MLLT10: variants seen among roughly 807,000 people sequenced by gnomAD.
The protein encoded by MLLT10 is MLLT10 histone lysine methyltransferase DOT1L cofactor, also known as protein AF-10.
A neutral mutation model predicts 129.1 loss-of-function variants in MLLT10; 30 were observed. That is an observed-to-expected ratio of 0.23 (90% CI 0.17 to 0.32). MLLT10 has a LOEUF of 0.32. Ranked by LOEUF, MLLT10 falls within the 10% of genes least tolerant of loss-of-function variation. MLLT10 has a pLI of 1.00. For synonymous variants in MLLT10, 490 were observed against 446.4 expected, an observed-to-expected ratio of 1.10 and a Z score of -1.23; for missense variants, 1,119 against 1,268.3, an observed-to-expected ratio of 0.88 and a Z score of 1.79.
At chr10:21,549,221 T>C (rs558416364) in intron 3 of MLLT10, among the ~76,000 whole-genome samples, 2 of 151,864 alleles carry the variant, frequency 1.3e-5, no homozygotes, top group Admixed American at 1.3e-4. Flanking sequence ...CCTCCCGGAT[T>C]CAAGCAGTTC....
intron 3 of MLLT10, among the ~76,000 whole-genome samples, chr10:21,565,210 T>C (rs1462403517): frequency 6.6e-6 from 1 of 152,242 alleles, no homozygotes; most frequent in Admixed American, 6.5e-5. Context: ...CTTTAATTAA[T>C]GTTTGCATCA....
At chr10:21,695,248 AGGCTGGTCTCGAACTC>A (rs1173213835) in intron 13 of MLLT10, among the ~76,000 whole-genome samples, 1 of 152,008 alleles carries the variant, frequency 6.6e-6, no homozygotes, top group Non-Finnish European at 1.5e-5. Flanking sequence ...CCTGTTGGCC[AGGCTGGTCTCGAACTC>A]CTGACCTCAA....
chr10:21,557,192 A>C, intron 3 of MLLT10: 1 of 1,283,090 alleles, frequency 7.8e-7, no homozygotes, highest in Non-Finnish European at 9.9e-7. Context: ...TCAAATGCCT[A>C]CTGTGTTGTT....
intron 3 of MLLT10, chr10:21,556,862 A>G (rs1403572841): frequency 7.1e-6 from 11 of 1,551,294 alleles, no homozygotes; most frequent in Non-Finnish European, 9.6e-6. Context: ...TCTAGTTTCC[A>G]GGGATATTCT....
At chr10:21,600,638 A>G (rs1399001827) in intron 5 of MLLT10, among the ~76,000 whole-genome samples, 1 of 152,180 alleles carries the variant, frequency 6.6e-6, no homozygotes, top group Non-Finnish European at 1.5e-5. Flanking sequence ...TTGACACTTT[A>G]TACTAGTTAC....
intron 13 of MLLT10, among the ~76,000 whole-genome samples, chr10:21,682,458 G>A (rs913927209): frequency 6.6e-6 from 1 of 152,088 alleles, no homozygotes; most frequent in Non-Finnish European, 1.5e-5. Context: ...CATCAGTTTG[G>A]CTTTTATTGT....
intron 13 of MLLT10, among the ~76,000 whole-genome samples, chr10:21,687,671 A>T (rs1483464888): frequency 6.6e-6 from 1 of 152,330 alleles, no homozygotes; most frequent in African/African-American, 2.4e-5. Flanking sequence ...GGTTAAAAAA[A>T]GGGGAAGGGA....
At position 21,670,460 on chromosome 10, in the gene MLLT10, C is replaced by T. The variant is rs761410570; in HGVS notation, c.807C>T (p.Ser269=). The T allele has an allele frequency of 1.9e-6, 3 of 1,610,980 alleles. No individual in the cohort carries two copies. Among genetic ancestry groups the T allele is most frequent in the African/African-American group, 1.3e-5 (1 of 74,788 alleles). The change falls in exon 10 of 23, where the codon AGC becomes AGT. Residue 269 remains serine (S), a synonymous_variant. Coordinates refer to ENST00000307729, the MANE Select transcript of MLLT10 (RefSeq NM_001195626.3). ...LTVTTEKTYT[S]TSNNSISGSL... is the part of the protein sequence containing the mutation. ...AATCAAAATGTTAGACTTATACAAG[C>T]ACTAGCAACAACTCTATATCTGGAT... is the stretch of plus-strand genomic sequence containing the variant.
At chr10:21,626,141 A>C in intron 8 of MLLT10, 1 of 1,610,140 alleles carries the variant, frequency 6.2e-7, no homozygotes, top group Non-Finnish European at 8.5e-7. Flanking sequence ...GGTCTTCATA[A>C]CTCCACATAA....
intron 13 of MLLT10, among the ~76,000 whole-genome samples, chr10:21,691,139 T>C (rs1444478323): frequency 6.6e-6 from 1 of 152,216 alleles, no homozygotes; most frequent in Non-Finnish European, 1.5e-5. Flanking sequence ...CATGTTTAAA[T>C]ATTATCATCA....
At chr10:21,620,653 A>G (rs1161968245) in intron 8 of MLLT10, among the ~76,000 whole-genome samples, 1 of 151,342 alleles carries the variant, frequency 6.6e-6, no homozygotes, top group Non-Finnish European at 1.5e-5. Context: ...TCTGGCACAT[A>G]TTTTTCTTTT....
At chr10:21,623,931 T>TA (rs989066349) in intron 8 of MLLT10, among the ~76,000 whole-genome samples, 4 of 152,178 alleles carry the variant, frequency 2.6e-5, no homozygotes, top group African/African-American at 9.7e-5. Context: ...TCTTTTTTTT[T>TA]AATAGATTTT....
At position 21,741,860 on chromosome 10, in the gene MLLT10, CTCAG is replaced by C. The variant is rs1458761914; in HGVS notation, c.3163-75_3163-72del. The C allele has an allele frequency of 2.7e-6, 4 of 1,462,500 alleles. No homozygotes were observed. In the African/African-American group the frequency reaches 4.2e-5, roughly 15 times the overall value. 90.6% of individuals were successfully genotyped at this position (1,462,500 alleles called of 1,614,324 possible). A position where few individuals can be genotyped will look rare whatever the true frequency, so the allele number is the denominator to read the frequency against. ...AGTAACTTTCTATACCACATTTTATCTCAGTCACAGTTTCAAATTCGGAGAATAT... is the reference window on the plus strand; with the variant it reads ...AGTAACTTTCTATACCACATTTTATCTCACAGTTTCAAATTCGGAGAATAT... On this transcript the variant is annotated intron_variant, in intron 22 of 22. Transcript: ENST00000307729.
intron 3 of MLLT10, among the ~76,000 whole-genome samples, chr10:21,579,198 A>G (rs1224523296): frequency 6.6e-6 from 1 of 152,160 alleles, no homozygotes; most frequent in Non-Finnish European, 1.5e-5. Context: ...TTTGGCTTCC[A>G]TATTTTATGA....
intron 5 of MLLT10, among the ~76,000 whole-genome samples, chr10:21,604,892 C>A (rs192169704): frequency 6.7e-6 from 1 of 149,082 alleles, no homozygotes; most frequent in Admixed American, 6.7e-5. Flanking sequence ...CTGCTTAGTT[C>A]CTATTTTTTG....
At chr10:21,663,558 CGTTT>C (rs1318554007) in intron 9 of MLLT10, among the ~76,000 whole-genome samples, 2 of 149,242 alleles carry the variant, frequency 1.3e-5, no homozygotes, top group South Asian at 2.1e-4. Flanking sequence ...TGTTTTTGTT[CGTTT>C]GTTTGTTTTG....
chr10:21,536,124 A>G (rs1342476213), intron 2 of MLLT10, among the ~76,000 whole-genome samples: 1 of 152,150 alleles, frequency 6.6e-6, no homozygotes, highest in Non-Finnish European at 1.5e-5. Context: ...ATTTTTTAGT[A>G]GAGACGGGGT....
At chr10:21,646,696 C>T (rs1431490742) in intron 8 of MLLT10, among the ~76,000 whole-genome samples, 1 of 152,108 alleles carries the variant, frequency 6.6e-6, no homozygotes, top group Non-Finnish European at 1.5e-5. Flanking sequence ...CTGAGAGTGA[C>T]GTTGGCTGTC....
chr10:21,732,957 AC>A lies in MLLT10; in HGVS notation c.2278del (p.Gln760LysfsTer5). ...LQVENRRLEE[Q>X]IKNLTAKKER... is the part of the protein sequence containing the mutation. ...AAGTTGAAAACCGAAGATTAGAGGA[AC>A]AAATTAAAAACTTGACTGCCAAAAA... On this transcript the variant is annotated frameshift_variant, in exon 18 of 23. Coordinates refer to ENST00000307729, the MANE Select transcript of MLLT10 (RefSeq NM_001195626.3). LOFTEE classifies it high-confidence loss of function. 1 of 1,614,072 alleles carries A rather than the reference AC, an allele frequency of 6.2e-7. No individual in the cohort carries two copies. The highest frequency in any genetic ancestry group is 8.5e-7 in the Non-Finnish European group (1 of 1,179,984).
Sources: allele counts gnomAD v4.1 joint callset (sites outside exome capture counted in the v4.1 genomes callset), GRCh38; gene constraint gnomAD v4.1.1; transcripts MANE v1.5; gene names NCBI Gene and HGNC (gene_info 2026-07-23, HGNC 2026-07-21).